Variants in TENT4B observed in about 807,000 individuals in gnomAD.
TENT4B encodes terminal nucleotidyltransferase 4B, also known as PAP associated domain containing 5.
A neutral mutation model predicts 75.0 loss-of-function variants in TENT4B; 10 were observed. The observed-to-expected ratio is 0.13, with a 90% CI of 0.08 to 0.23. The LOEUF (loss-of-function observed/expected upper bound fraction) is 0.23, where lower values mean the gene tolerates loss of function less well. TENT4B is among the 10% of genes least tolerant of loss of function. The probability of loss-of-function intolerance (pLI) is 1.00; values close to 1 mark genes in which losing one functional copy is unlikely to be tolerated. For synonymous variants in TENT4B, 350 were observed against 357.7 expected (o/e 0.98, Z 0.24); for missense variants, 579 against 893.8 (o/e 0.65, Z 4.49).
chr16:50,175,660 C>T (rs1297985468), intron 1 of TENT4B, among the ~76,000 whole-genome samples: 3 of 151,766 alleles, frequency 2.0e-5, no homozygotes, highest in Non-Finnish European at 4.4e-5. Context: ...TGAGTAGAGA[C>T]GGGGTTGCAC....
chr16:50,209,472 T>G (rs1029893666), intron 1 of TENT4B, among the ~76,000 whole-genome samples: 2 of 152,190 alleles, frequency 1.3e-5, no homozygotes, highest in African/African-American at 2.4e-5. Context: ...AAGTTGAAGG[T>G]CCTGAGGTAC....
At chr16:50,223,522 C>T in intron 7 of TENT4B, 135 bp downstream of exon 7, 1 of 640,946 alleles carries the variant, frequency 1.6e-6, no homozygotes, top group East Asian at 2.8e-5. Context: ...CGAAATATTT[C>T]ATGAGCAAAC....
intron 1 of TENT4B, among the ~76,000 whole-genome samples, chr16:50,164,341 C>T (rs2038059932): frequency 1.3e-5 from 2 of 151,042 alleles, no homozygotes; most frequent in South Asian, 4.2e-4. Context: ...ATGAAGTCTC[C>T]CTCTGTCACC....
chr16:50,196,826 A>G (rs565784874), intron 1 of TENT4B, among the ~76,000 whole-genome samples: 2 of 152,030 alleles, frequency 1.3e-5, no homozygotes, highest in African/African-American at 2.4e-5. Flanking sequence ...AGTCCCAGCT[A>G]CAGTGGGGCT....
At chr16:50,163,286 G>A (rs948406884) in intron 1 of TENT4B, among the ~76,000 whole-genome samples, 1 of 151,950 alleles carries the variant, frequency 6.6e-6, no homozygotes, top group Non-Finnish European at 1.5e-5. Flanking sequence ...AAATTTTAGT[G>A]TCCTTGTTCT....
chr16:50,207,624 C>T (rs182857295), intron 1 of TENT4B, among the ~76,000 whole-genome samples: 5 of 152,116 alleles, frequency 3.3e-5, no homozygotes, highest in African/African-American at 1.2e-4. Flanking sequence ...TTTATAATTT[C>T]ATATGAGAAA....
At chr16:50,217,769 T>TCTCTCTCTCTCTCTCTCG in intron 5 of TENT4B, 106 bp downstream of exon 5, 1 of 623,590 alleles carries the variant, frequency 1.6e-6, no homozygotes, top group East Asian at 3.1e-5. Flanking sequence ...TGTCTCTCTC[T>TCTCTCTCTCTCTCTCTCG]CTCTCTTTTA....
chr16:50,218,379 C>T (rs1430562925), intron 5 of TENT4B, among the ~76,000 whole-genome samples: 3 of 151,598 alleles, frequency 2.0e-5, no homozygotes, highest in South Asian at 2.1e-4. Flanking sequence ...CTCTGTCACC[C>T]GGGCTGGAGT....
chr16:50,152,942 C>G (rs2037785145), upstream of TENT4B: 4 of 1,501,754 alleles, frequency 2.7e-6, no homozygotes, highest in South Asian at 4.9e-5. Flanking sequence ...GCGGGGCGGG[C>G]GGCAACCTCC....
At position 50,153,498 on chromosome 16, in the gene TENT4B, A is replaced by G. The variant is rs1327827514; in HGVS notation, c.-124A>G. ...CCCGCGGCGGGCCCCGAGCAGCAGC[A>G]GCAGCAGCAGCGGCAGCAGCGGCAG... On this transcript the variant is annotated 5_prime_UTR_variant, in exon 1 of 12. Transcript: ENST00000561678. 3.7e-4 allele frequency: 362 copies of G among 974,626 alleles called. 1 individual carries two copies. The highest frequency in any genetic ancestry group is 8.5e-4 in the South Asian group (18 of 21,060). The allele number at this position is 974,626 out of a possible 1,614,324, so 60.4% of individuals were successfully genotyped here.
chr16:50,175,224 C>T (rs182404391), intron 1 of TENT4B, among the ~76,000 whole-genome samples: 5 of 152,072 alleles, frequency 3.3e-5, no homozygotes, highest in Admixed American at 1.3e-4. Flanking sequence ...ATATTTTTTC[C>T]GAGTCCGTGA....
At chr16:50,181,548 A>G (rs1189508091) in intron 1 of TENT4B, among the ~76,000 whole-genome samples, 1 of 146,662 alleles carries the variant, frequency 6.8e-6, no homozygotes, top group Non-Finnish European at 1.5e-5. Context: ...CAAGCAACTC[A>G]CCTGCCTCGG....
intron 4 of TENT4B, 56 bp from the exon 5 acceptor site, chr16:50,217,500 A>G: frequency 1.0e-6 from 1 of 964,554 alleles, no homozygotes; most frequent in East Asian, 2.9e-5. Flanking sequence ...CCATCCCCTG[A>G]TTTTATCATT....
chr16:50,212,892 G>T (rs1196448758), intron 2 of TENT4B, among the ~76,000 whole-genome samples: 1 of 152,050 alleles, frequency 6.6e-6, no homozygotes, highest in Non-Finnish European at 1.5e-5. Flanking sequence ...GAGAAGCCGT[G>T]ATCTAACTTA....
chr16:50,153,022 C>T, upstream of TENT4B: 2 of 1,515,124 alleles, frequency 1.3e-6, no homozygotes, highest in East Asian at 2.6e-5. Context: ...CAGAAGCTCC[C>T]GGACGCCCAG....
At chr16:50,200,365 T>TAA (rs565167649) in intron 1 of TENT4B, among the ~76,000 whole-genome samples, 1 of 131,460 alleles carries the variant, frequency 7.6e-6, no homozygotes, top group Non-Finnish European at 1.6e-5. Context: ...GACCCTGACT[T>TAA]AAAAAAAAAA....
rs555390275 is a variant in TENT4B, at chr16:50,229,962, C to T, written c.*634C>T. The T allele has an allele frequency of 1.1e-6, 1 of 945,792 alleles. No homozygotes were observed. Among genetic ancestry groups the T allele is most frequent in the South Asian group, 4.9e-5 (1 of 20,450 alleles). The allele number at this position is 945,792 out of a possible 1,614,324, so 58.6% of individuals were successfully genotyped here. ...TAGTTTGAAAAATAATCTAAATTGT[C>T]ATCTTAACATCCATATATAGGGAAG... On this transcript the variant is annotated 3_prime_UTR_variant, in exon 12 of 12. Transcript: ENST00000561678.
At chr16:50,154,540 C>A (rs1365589860) in intron 1 of TENT4B, among the ~76,000 whole-genome samples, 5 of 151,916 alleles carry the variant, frequency 3.3e-5, no homozygotes, top group Admixed American at 2.6e-4. Flanking sequence ...CAGGCCCCCC[C>A]CTTTATCCAT....
At chr16:50,175,122 T>C (rs2038281045) in intron 1 of TENT4B, among the ~76,000 whole-genome samples, 1 of 152,186 alleles carries the variant, frequency 6.6e-6, no homozygotes, top group South Asian at 2.1e-4. Context: ...AGCTCCCACA[T>C]ATGAGTAAGA....
Sources: allele counts gnomAD v4.1 joint callset (sites outside exome capture counted in the v4.1 genomes callset), GRCh38; gene constraint gnomAD v4.1.1; transcripts MANE v1.5; gene names NCBI Gene and HGNC (gene_info 2026-07-23, HGNC 2026-07-21).